The following NPAS3 variants were observed in gnomAD, a reference collection of about 807,000 sequenced individuals.
NPAS3 encodes neuronal PAS domain-containing protein 3.
NPAS3 carries 14 observed loss-of-function variants against 73.1 expected under a neutral mutation model. That is an observed-to-expected ratio of 0.19 (90% confidence interval 0.13 to 0.30). The LOEUF (loss-of-function observed/expected upper bound fraction) is 0.30, where lower values mean the gene tolerates loss of function less well. Ranked by LOEUF, NPAS3 falls within the 10% of genes least tolerant of loss-of-function variation. The probability of loss-of-function intolerance (pLI) is 1.00; values close to 1 mark genes in which losing one functional copy is unlikely to be tolerated. For synonymous variants in NPAS3, 620 were observed against 541.5 expected, an observed-to-expected ratio of 1.14 and a Z score of -2.01; for missense variants, 1,096 against 1,250.0, an observed-to-expected ratio of 0.88 and a Z score of 1.86.
intron 9 of NPAS3, among the ~76,000 whole-genome samples, chr14:33,786,045 G>A (rs779272462): frequency 7.2e-5 from 11 of 152,244 alleles, no homozygotes; most frequent in South Asian, 2.1e-4. Context: ...CCCGTGTGTC[G>A]AGTGACCAAG....
intron 5 of NPAS3, among the ~76,000 whole-genome samples, chr14:33,590,810 A>G (rs567672604): frequency 3.9e-5 from 6 of 152,272 alleles, no homozygotes; most frequent in African/African-American, 1.4e-4. Flanking sequence ...GAGCTCACAA[A>G]TATCATCCTC....
At chr14:33,776,889 C>G (rs2062837953) in intron 8 of NPAS3, among the ~76,000 whole-genome samples, 3 of 152,136 alleles carry the variant, frequency 2.0e-5, no homozygotes. Context: ...TAGTCGCATT[C>G]ACCACAGTAA....
intron 1 of NPAS3, among the ~76,000 whole-genome samples, chr14:32,988,500 C>T (rs1050656506): frequency 4.6e-5 from 7 of 151,898 alleles, no homozygotes; most frequent in South Asian, 2.1e-4. Context: ...AATAGGAAAC[C>T]GATTAATCTA....
At chr14:33,523,854 C>T (rs2053669525) in intron 4 of NPAS3, among the ~76,000 whole-genome samples, 1 of 152,072 alleles carries the variant, frequency 6.6e-6, no homozygotes, top group Non-Finnish European at 1.5e-5. Context: ...TCAGTGCCTG[C>T]CATCGATCCA....
At chr14:33,456,482 A>G (rs1380053269) in intron 4 of NPAS3, among the ~76,000 whole-genome samples, 1 of 152,214 alleles carries the variant, frequency 6.6e-6, no homozygotes, top group Non-Finnish European at 1.5e-5. Flanking sequence ...ATGAGCATTT[A>G]GTGTTTTCAT....
At chr14:33,409,465 A>T (rs1294366036) in intron 4 of NPAS3, among the ~76,000 whole-genome samples, 1 of 152,156 alleles carries the variant, frequency 6.6e-6, no homozygotes, top group Non-Finnish European at 1.5e-5. Flanking sequence ...TTTAATTGTC[A>T]TTACTATATT....
chr14:33,203,445 A>G (rs1367687699), intron 2 of NPAS3, among the ~76,000 whole-genome samples: 1 of 152,084 alleles, frequency 6.6e-6, no homozygotes, highest in East Asian at 1.9e-4. Flanking sequence ...TACATGAGGT[A>G]TATCTCCTAA....
At chr14:33,721,513 A>G (rs2061110757) in intron 6 of NPAS3, among the ~76,000 whole-genome samples, 1 of 152,220 alleles carries the variant, frequency 6.6e-6, no homozygotes. Context: ...AACACTTACC[A>G]GAAGAGACTA....
At chr14:33,527,053 C>T (rs1267647991) in intron 4 of NPAS3, among the ~76,000 whole-genome samples, 1 of 152,116 alleles carries the variant, frequency 6.6e-6, no homozygotes, top group Non-Finnish European at 1.5e-5. Context: ...TACCAGTATT[C>T]AGTGTAGCAA....
Position 33,041,423 on chromosome 14 carries a change from C to T in NPAS3, c.51-14482C>T, listed in dbSNP as rs115402614. ...TTTGCGATGATGACAATTTCTTCAACAGATATAATTTGAATTAGCAAATTG... is the reference window on the plus strand; with the variant it reads ...TTTGCGATGATGACAATTTCTTCAATAGATATAATTTGAATTAGCAAATTG... On this transcript the variant is annotated intron_variant, in intron 1 of 11. Transcript: ENST00000356141. 6.9e-3 allele frequency among the ~76,000 whole-genome samples: 1,046 copies of T among 152,258 alleles called. 13 individuals are homozygous for T. The highest frequency in any genetic ancestry group is 0.024 in the African/African-American group (1,011 of 41,552).
At chr14:33,179,769 G>A (rs1822205770) in intron 2 of NPAS3, among the ~76,000 whole-genome samples, 1 of 152,124 alleles carries the variant, frequency 6.6e-6, no homozygotes, top group African/African-American at 2.4e-5. Flanking sequence ...AAAGAGTGGA[G>A]GAATGGATGG....
intron 4 of NPAS3, among the ~76,000 whole-genome samples, chr14:33,385,738 G>A (rs1229278205): frequency 6.6e-6 from 1 of 152,116 alleles, no homozygotes; most frequent in Non-Finnish European, 1.5e-5. Context: ...CCAGTGCTTT[G>A]GAAATCTTCT....
chr14:33,468,707 G>T (rs1175199814), intron 4 of NPAS3, among the ~76,000 whole-genome samples: 1 of 152,028 alleles, frequency 6.6e-6, no homozygotes, highest in Non-Finnish European at 1.5e-5. Context: ...TACAAGAGTG[G>T]TCATCGTTCA....
At chr14:33,136,501 A>C (rs2043845365) in intron 2 of NPAS3, among the ~76,000 whole-genome samples, 1 of 152,244 alleles carries the variant, frequency 6.6e-6, no homozygotes, top group African/African-American at 2.4e-5. Flanking sequence ...GGACTGCAGT[A>C]ATAATGACAG....
chr14:33,786,259 A>G (rs1296846706), intron 9 of NPAS3, among the ~76,000 whole-genome samples: 1 of 152,234 alleles, frequency 6.6e-6, no homozygotes, highest in Non-Finnish European at 1.5e-5. Context: ...TTCACAATAA[A>G]GTACTTGGAT....
intron 6 of NPAS3, among the ~76,000 whole-genome samples, chr14:33,713,980 C>T (rs73258923): frequency 6.6e-6 from 1 of 152,026 alleles, no homozygotes; most frequent in Non-Finnish European, 1.5e-5. Flanking sequence ...TCCTGGAACA[C>T]TATCTCACCG....
chr14:33,123,637 A>G (rs1018763851), intron 2 of NPAS3, among the ~76,000 whole-genome samples: 3 of 152,016 alleles, frequency 2.0e-5, no homozygotes, highest in African/African-American at 7.2e-5. Flanking sequence ...TAATTTCCTG[A>G]TAATATGTAG....
At chr14:33,735,530 A>G (rs537459055) in intron 7 of NPAS3, among the ~76,000 whole-genome samples, 198 bp downstream of exon 7, 1 of 152,132 alleles carries the variant, frequency 6.6e-6, no homozygotes, top group Non-Finnish European at 1.5e-5. Context: ...TTGCTGGTGC[A>G]CTAAAAACCC....
intron 4 of NPAS3, among the ~76,000 whole-genome samples, chr14:33,544,811 TGTATATATA>T (rs1237590101): frequency 2.0e-4 from 19 of 94,788 alleles, no homozygotes; most frequent in African/African-American, 8.8e-4. Flanking sequence ...TATATATATA[TGTATATATA>T]ATATATATGT....
Sources: allele counts gnomAD v4.1 joint callset (sites outside exome capture counted in the v4.1 genomes callset), GRCh38; gene constraint gnomAD v4.1.1; transcripts MANE v1.5; gene names NCBI Gene and HGNC (gene_info 2026-07-23, HGNC 2026-07-21).